WDR17: variants seen among roughly 807,000 people sequenced by gnomAD.
WDR17 encodes WD repeat-containing protein 17.
A neutral mutation model predicts 161.7 loss-of-function variants in WDR17; 143 were observed. That is an observed-to-expected ratio of 0.88 (90% CI 0.77 to 1.02). The LOEUF (loss-of-function observed/expected upper bound fraction) is 1.02. WDR17 is among the 50% of genes least tolerant of loss of function. The pLI is 0.00. For synonymous variants in WDR17, 517 were observed against 515.6 expected (o/e 1.00, Z -0.04); for missense variants, 1,469 against 1,520.9 (o/e 0.97, Z 0.57).
chr4:176,083,031 A>G (rs548529929), intron 1 of WDR17, among the ~76,000 whole-genome samples: 3 of 152,270 alleles, frequency 2.0e-5, no homozygotes, highest in African/African-American at 7.2e-5. Context: ...TGTTTGATAG[A>G]TTTTCTTAGA....
At chr4:176,103,659 A>G (rs182228287) in intron 1 of WDR17, among the ~76,000 whole-genome samples, 133 of 152,226 alleles carry the variant, frequency 8.7e-4, no homozygotes, top group Admixed American at 7.3e-3. Flanking sequence ...GAATTCAAAG[A>G]CATATTTAAG....
chr4:176,080,448 TA>T (rs1032261382), intron 1 of WDR17, among the ~76,000 whole-genome samples: 1 of 151,506 alleles, frequency 6.6e-6, no homozygotes, highest in Admixed American at 6.6e-5. Context: ...AAAAAGATTT[TA>T]AAAAAACAAT....
chr4:176,143,309 C>T (rs938728375), intron 11 of WDR17, among the ~76,000 whole-genome samples: 1 of 152,164 alleles, frequency 6.6e-6, no homozygotes, highest in Non-Finnish European at 1.5e-5. Context: ...TTCTTTTACA[C>T]CTTTTTATAT....
At chr4:176,157,207 A>G (rs1671894806) in intron 18 of WDR17, among the ~76,000 whole-genome samples, 1 of 152,148 alleles carries the variant, frequency 6.6e-6, no homozygotes, top group Non-Finnish European at 1.5e-5. Flanking sequence ...AATGCCTACT[A>G]TATGCCAATC....
At chr4:176,105,821 A>G (rs1420789143) in intron 1 of WDR17, among the ~76,000 whole-genome samples, 1 of 152,078 alleles carries the variant, frequency 6.6e-6, no homozygotes, top group African/African-American at 2.4e-5. Context: ...AAAAGAATAA[A>G]CTAAACCCAA....
intron 16 of WDR17, among the ~76,000 whole-genome samples, chr4:176,151,481 A>G (rs1747104185): frequency 2.0e-5 from 3 of 152,156 alleles, no homozygotes; most frequent in South Asian, 2.1e-4. Flanking sequence ...TCCCAGAGCT[A>G]TATGCTTTTG....
chr4:176,164,029 C>T lies in WDR17; in HGVS notation c.2990+736C>T, dbSNP rs1749424103. On this transcript the variant is annotated intron_variant, in intron 22 of 28. Coordinates refer to ENST00000508596, the MANE Select transcript of WDR17 (RefSeq NM_181265.4). Reference sequence around the variant, plus strand: ...CTATGACCTTTCCCCATTGCAAGTCCCATGCACACACACACCACCCTGGAG... The same window carrying T: ...CTATGACCTTTCCCCATTGCAAGTCTCATGCACACACACACCACCCTGGAG... Among the ~76,000 whole-genome samples the T allele has an allele frequency of 2.0e-5, 3 of 152,066 alleles. No homozygotes were observed. The South Asian group carries it at 6.2e-4, about 32-fold the overall frequency.
chr4:176,111,129 C>T (rs1055245895), intron 1 of WDR17: 3 of 152,306 alleles, frequency 2.0e-5, no homozygotes, highest in African/African-American at 4.8e-5. Flanking sequence ...TAAATTTAAA[C>T]GTGATGCCTT....
intron 16 of WDR17, 76 bp downstream of exon 16, chr4:176,150,669 T>C: frequency 7.3e-7 from 1 of 1,377,926 alleles, no homozygotes; most frequent in South Asian, 1.6e-5. Flanking sequence ...AAAATGATTT[T>C]AAAAATATAT....
intron 2 of WDR17, among the ~76,000 whole-genome samples, chr4:176,114,998 A>G (rs992583872): frequency 4.6e-5 from 7 of 151,976 alleles, no homozygotes; most frequent in East Asian, 1.9e-4. Flanking sequence ...CAGAGATTCA[A>G]TCGTGTAGAG....
At chr4:176,108,913 C>T (rs1479040429) in intron 1 of WDR17, among the ~76,000 whole-genome samples, 1 of 152,110 alleles carries the variant, frequency 6.6e-6, no homozygotes, top group Non-Finnish European at 1.5e-5. Flanking sequence ...CCTCAGCTTC[C>T]CAAGTAGCTG....
At chr4:176,095,340 A>C (rs1203569947) in intron 1 of WDR17, among the ~76,000 whole-genome samples, 2 of 152,148 alleles carry the variant, frequency 1.3e-5, no homozygotes, top group Non-Finnish European at 2.9e-5. Flanking sequence ...CAAATTAAGC[A>C]AGAGATTTTG....
chr4:176,136,939 C>T (rs1229097031), intron 8 of WDR17, among the ~76,000 whole-genome samples: 1 of 151,498 alleles, frequency 6.6e-6, no homozygotes, highest in Non-Finnish European at 1.5e-5. Context: ...TTACAAAAGG[C>T]ACTTATTTAA....
At position 176,131,663 on chromosome 4, in the gene WDR17, AGT is replaced by A. The variant is rs1178516199; in HGVS notation, c.1028_1029del (p.Cys343LeufsTer11). ...CATTTTCTCTTCCTCCTGGTCATGC[AGT>A]GTGTTGTTTCTTGGATGGTGGAGTT... ...QAFSLPPGHA[V>X]CCFLDGGVGL... On this transcript the variant is annotated frameshift_variant, in exon 7 of 29. Coordinates refer to ENST00000508596, the MANE Select transcript of WDR17 (RefSeq NM_181265.4). LOFTEE classifies it high-confidence loss of function. The A allele has an allele frequency of 1.9e-6, 3 of 1,613,742 alleles. No individual in the cohort carries two copies.
chr4:176,135,601 T>C (rs1744278088), intron 8 of WDR17, among the ~76,000 whole-genome samples: 2 of 151,624 alleles, frequency 1.3e-5, no homozygotes, highest in South Asian at 4.1e-4. Context: ...ATAGAGGTTT[T>C]CTGGAAAGTT....
chr4:176,166,025 A>T, intron 22 of WDR17: 1 of 573,996 alleles, frequency 1.7e-6, no homozygotes. Flanking sequence ...ATAATTTTTA[A>T]GCTATAAACA....
intron 25 of WDR17, among the ~76,000 whole-genome samples, 187 bp downstream of exon 25, chr4:176,173,556 G>A (rs933585731): frequency 2.6e-5 from 4 of 151,928 alleles, no homozygotes; most frequent in Non-Finnish European, 5.9e-5. Context: ...TTGCTCTGTC[G>A]CCCAGGCTGG....
At chr4:176,104,308 C>T (rs762483679) in intron 1 of WDR17, among the ~76,000 whole-genome samples, 1 of 151,890 alleles carries the variant, frequency 6.6e-6, no homozygotes, top group African/African-American at 2.4e-5. Flanking sequence ...TAGACAGTAA[C>T]TCAAAGCCAT....
Position 176,131,538 on chromosome 4 carries a change from TTTC to T in WDR17, c.914-11_914-9del. The T allele has an allele frequency of 6.3e-7, 1 of 1,587,346 alleles. No homozygotes were observed. The highest frequency in any genetic ancestry group is 1.7e-4 in the Middle Eastern group (1 of 5,898). On this transcript the variant is annotated splice_polypyrimidine_tract_variant and intron_variant, in intron 6 of 28. Transcript: ENST00000508596. Reference sequence around the variant, plus strand: ...GTGGTTTCATTCCAATAGGATTTTTTTTCTTCTATTTTTAGTTTCAGTCCAATC... The same window carrying T: ...GTGGTTTCATTCCAATAGGATTTTTTTTCTATTTTTAGTTTCAGTCCAATC...
Sources: gnomAD v4.1 joint callset for allele counts (sites outside exome capture counted in the v4.1 genomes callset) on GRCh38, gnomAD v4.1.1 for gene constraint, MANE v1.5 for transcripts, NCBI Gene and HGNC (gene_info 2026-07-23, HGNC 2026-07-21) for gene names.